The following GRID2 variants were observed in gnomAD, a reference collection of about 807,000 sequenced individuals.
The protein encoded by GRID2 is glutamate ionotropic receptor delta type subunit 2.
A neutral mutation model predicts 114.8 loss-of-function variants in GRID2; 33 were observed. The observed-to-expected ratio is 0.29, with a 90% CI of 0.22 to 0.38. The LOEUF (loss-of-function observed/expected upper bound fraction) is 0.38. GRID2 is among the 10% of genes least tolerant of loss of function. GRID2 has a pLI of 1.00. For synonymous variants in GRID2, 505 were observed against 449.9 expected, an observed-to-expected ratio of 1.12 and a Z score of -1.55; for missense variants, 1,184 against 1,257.7, an observed-to-expected ratio of 0.94 and a Z score of 0.89.
At chr4:92,991,333 T>C (rs1325340020) in intron 2 of GRID2, among the ~76,000 whole-genome samples, 1 of 152,128 alleles carries the variant, frequency 6.6e-6, no homozygotes, top group East Asian at 1.9e-4. Context: ...GCCAAAAAAA[T>C]TACTGTAGTC....
At chr4:92,870,343 T>C (rs1262027242) in intron 2 of GRID2, among the ~76,000 whole-genome samples, 1 of 151,876 alleles carries the variant, frequency 6.6e-6, no homozygotes, top group Non-Finnish European at 1.5e-5. Context: ...TCCACAGGAG[T>C]TTAAGCTCCA....
chr4:93,473,651 G>C (rs1725050859), intron 11 of GRID2, among the ~76,000 whole-genome samples: 1 of 152,032 alleles, frequency 6.6e-6, no homozygotes, highest in African/African-American at 2.4e-5. Flanking sequence ...CTGAAATTTA[G>C]CTCAAACCTT....
intron 2 of GRID2, among the ~76,000 whole-genome samples, chr4:93,012,022 A>G (rs1236480894): frequency 6.7e-6 from 1 of 149,642 alleles, no homozygotes; most frequent in East Asian, 2.0e-4. Context: ...GCACTGAAAT[A>G]GTTGGTCACC....
intron 11 of GRID2, among the ~76,000 whole-genome samples, chr4:93,477,424 T>C (rs1725426513): frequency 6.6e-6 from 1 of 152,096 alleles, no homozygotes; most frequent in South Asian, 2.1e-4. Flanking sequence ...TCCATTAATA[T>C]TGTGAGATGC....
chr4:92,693,951 T>C (rs1259400442), intron 2 of GRID2, among the ~76,000 whole-genome samples: 3 of 152,076 alleles, frequency 2.0e-5, no homozygotes, highest in Non-Finnish European at 2.9e-5. Flanking sequence ...AACCAGAATT[T>C]AGGGGTTAAG....
chr4:93,108,540 A>G (rs975821747), intron 3 of GRID2, among the ~76,000 whole-genome samples: 1 of 151,964 alleles, frequency 6.6e-6, no homozygotes, highest in Non-Finnish European at 1.5e-5. Context: ...TTTGCCTTGT[A>G]TTCAGATGTA....
At chr4:92,795,528 G>A (rs1472399818) in intron 2 of GRID2, among the ~76,000 whole-genome samples, 2 of 151,902 alleles carry the variant, frequency 1.3e-5, no homozygotes, top group Non-Finnish European at 2.9e-5. Context: ...GAGAGAGGCA[G>A]GCACATTCAG....
intron 13 of GRID2, among the ~76,000 whole-genome samples, chr4:93,620,588 T>C (rs1742125299): frequency 6.6e-6 from 1 of 152,152 alleles, no homozygotes; most frequent in South Asian, 2.1e-4. Flanking sequence ...TATATACAAA[T>C]AGAAATGTGT....
chr4:93,707,675 G>C (rs10022274), intron 14 of GRID2, among the ~76,000 whole-genome samples: 17,386 of 150,786 alleles, frequency 0.12, 1,286 homozygotes, highest in Admixed American at 0.19. Flanking sequence ...TGTATTTTTT[G>C]TTCCAATTTC....
At chr4:92,583,792 G>A (rs1213169152) in intron 1 of GRID2, among the ~76,000 whole-genome samples, 3 of 150,032 alleles carry the variant, frequency 2.0e-5, no homozygotes. Context: ...TAATATATAT[G>A]TGAGTATGTA....
chr4:92,415,352 A>G (rs1316004716), intron 1 of GRID2, among the ~76,000 whole-genome samples: 1 of 151,832 alleles, frequency 6.6e-6, no homozygotes, highest in African/African-American at 2.4e-5. Flanking sequence ...TTTTGGGAGA[A>G]CAGGTGGTGT....
intron 14 of GRID2, among the ~76,000 whole-genome samples, chr4:93,709,201 A>G (rs536399129): frequency 5.3e-5 from 8 of 152,162 alleles, no homozygotes; most frequent in African/African-American, 1.7e-4. Flanking sequence ...CATTCAGATG[A>G]TTTATTATTG....
chr4:93,630,000 T>C (rs1743095386), intron 14 of GRID2, among the ~76,000 whole-genome samples: 1 of 152,324 alleles, frequency 6.6e-6, no homozygotes, highest in East Asian at 1.9e-4. Flanking sequence ...AAATTCAGGT[T>C]CGGAGACATG....
chr4:92,634,546 G>GA (rs1296507432), intron 2 of GRID2, among the ~76,000 whole-genome samples: 3 of 151,826 alleles, frequency 2.0e-5, no homozygotes, highest in Admixed American at 6.6e-5. Context: ...CACACTTCCA[G>GA]AAAAAAATAC....
At chr4:93,325,695 A>G (rs2149217687) in intron 8 of GRID2, among the ~76,000 whole-genome samples, 1 of 135,198 alleles carries the variant, frequency 7.4e-6, no homozygotes, top group Admixed American at 7.6e-5. Flanking sequence ...TCATATTTCA[A>G]TTTCCTCATT....
chr4:92,427,019 A>C (rs573472730), intron 1 of GRID2, among the ~76,000 whole-genome samples: 14 of 152,236 alleles, frequency 9.2e-5, no homozygotes, highest in African/African-American at 2.9e-4. Flanking sequence ...ATTTCCCTTC[A>C]ATCTCACCTA....
chr4:93,223,296 G>A (rs546745852), intron 6 of GRID2, among the ~76,000 whole-genome samples: 6 of 152,132 alleles, frequency 3.9e-5, no homozygotes, highest in South Asian at 4.1e-4. Flanking sequence ...TGTATTGCAC[G>A]TAATGCATTG....
rs1734158566 is a variant in GRID2 at position 93,772,149 on chromosome 4, A to G, written c.2675A>G (p.His892Arg). Residue 892 changes from histidine to arginine, a missense_variant, in exon 16 of 16, where the codon CAT becomes CGT. By Grantham distance (29) the His-to-Arg change is conservative (BLOSUM62 0). This residue lies in a region of GRID2 where 717 missense variants were observed against 796.9 expected (regional missense o/e 0.90). Coordinates refer to ENST00000282020, the MANE Select transcript of GRID2 (RefSeq NM_001510.4). ...TTGTGCACAGATGACGACAGCCCCC[A>G]TAAACAGTTTTCCACCTCGTCAATT... is the stretch of plus-strand genomic sequence containing the variant. ...NSLCTDDDSP[H>R]KQFSTSSIDL... 2 of 1,613,448 alleles carry G rather than the reference A, an allele frequency of 1.2e-6. No homozygotes were observed. The highest frequency in any genetic ancestry group is 2.7e-5 in the African/African-American group (2 of 75,022).
At chr4:92,342,599 AATT>A (rs1560576813) in intron 1 of GRID2, among the ~76,000 whole-genome samples, 4 of 152,204 alleles carry the variant, frequency 2.6e-5, no homozygotes, top group Admixed American at 2.6e-4. Flanking sequence ...CTTGGAAGGA[AATT>A]CATTAAACAA....
Sources: gnomAD v4.1 joint callset for allele counts (sites outside exome capture counted in the v4.1 genomes callset) on GRCh38, gnomAD v4.1.1 for gene constraint, gnomAD v4.1.1 regional missense constraint, MANE v1.5 for transcripts, NCBI Gene and HGNC (gene_info 2026-07-23, HGNC 2026-07-21) for gene names.